The following ARHGEF38 variants were observed in gnomAD, a reference collection of about 807,000 sequenced individuals.
The protein encoded by ARHGEF38 is Rho guanine nucleotide exchange factor (GEF) 38.
Under a neutral mutation model 79.9 loss-of-function variants are expected in ARHGEF38, and 79 were observed. The observed-to-expected ratio is 0.99, with a 90% CI of 0.82 to 1.19. ARHGEF38 has a LOEUF of 1.19. ARHGEF38 is among the 50% of genes most tolerant of loss of function. The probability of loss-of-function intolerance (pLI) is 0.00; values close to 1 mark genes in which losing one functional copy is unlikely to be tolerated. For synonymous variants in ARHGEF38, 366 were observed against 328.3 expected, an observed-to-expected ratio of 1.11 and a Z score of -1.24; for missense variants, 962 against 907.2, an observed-to-expected ratio of 1.06 and a Z score of -0.78.
chr4:105,566,431 T>G (rs1207976746), intron 1 of ARHGEF38, among the ~76,000 whole-genome samples: 1 of 152,168 alleles, frequency 6.6e-6, no homozygotes, highest in African/African-American at 2.4e-5. Context: ...TTTTAATTTT[T>G]GTGGGTACAT....
chr4:105,598,226 C>G (rs1727667863), intron 2 of ARHGEF38, among the ~76,000 whole-genome samples: 1 of 152,178 alleles, frequency 6.6e-6, no homozygotes, highest in African/African-American at 2.4e-5. Flanking sequence ...CTTCCATCTC[C>G]TATTCGATCC....
chr4:105,553,781 T>C (rs942758778), intron 1 of ARHGEF38, among the ~76,000 whole-genome samples: 4 of 152,080 alleles, frequency 2.6e-5, no homozygotes, highest in African/African-American at 9.7e-5. Context: ...TTTTCTTCGG[T>C]ACTTGTTATG....
intron 1 of ARHGEF38, among the ~76,000 whole-genome samples, chr4:105,587,662 G>C (rs780251977): frequency 6.6e-6 from 1 of 152,040 alleles, no homozygotes; most frequent in Non-Finnish European, 1.5e-5. Flanking sequence ...GGGTTTCACC[G>C]TGTTAGCCAG....
At chr4:105,626,555 A>G (rs1232710149) in intron 3 of ARHGEF38, among the ~76,000 whole-genome samples, 1 of 151,866 alleles carries the variant, frequency 6.6e-6, no homozygotes, top group African/African-American at 2.4e-5. Context: ...CAGGAAGTCG[A>G]CTCCAGTGCA....
In ARHGEF38 at chr4:105,679,503, C is replaced by T. The variant is rs1731238626; in HGVS notation, c.*1566C>T. The T allele has an allele frequency of 1.3e-6, 2 of 1,492,284 alleles. 1 individual carries two copies. Among genetic ancestry groups the T allele is most frequent in the South Asian group, 2.3e-5 (2 of 88,482 alleles). 92.4% of individuals were successfully genotyped at this position (1,492,284 alleles called of 1,614,324 possible). A position where few individuals can be genotyped will look rare whatever the true frequency, so the allele number is the denominator to read the frequency against. ...CCCCTTATCAGAGTTGATTAAAGAT[C>T]ATGGTTCAAAGCTTGATACACCAGA... is the stretch of plus-strand genomic sequence containing the variant. On this transcript the variant is annotated 3_prime_UTR_variant, in exon 14 of 14. Transcript: ENST00000420470.
rs147339270 is a variant in ARHGEF38 at position 105,613,819 on chromosome 4, G to T, written c.508+312G>T. 3.9e-3 allele frequency among the ~76,000 whole-genome samples: 587 copies of T among 151,958 alleles called. 1 individual carries two copies. The highest frequency in any genetic ancestry group is 6.9e-3 in the Non-Finnish European group (468 of 67,956). On this transcript the variant is annotated intron_variant, in intron 3 of 13. Coordinates refer to ENST00000420470, the MANE Select transcript of ARHGEF38 (RefSeq NM_001242729.2). ...GGCTAACACTTACTTGATCCTTAAA[G>T]AATTAATTATTTAAATATTCTAATA...
chr4:105,629,986 A>C (rs1729113788), intron 3 of ARHGEF38, among the ~76,000 whole-genome samples: 1 of 152,170 alleles, frequency 6.6e-6, no homozygotes, highest in African/African-American at 2.4e-5. Flanking sequence ...AATATTGAAA[A>C]ATACTTACCC....
intron 3 of ARHGEF38, among the ~76,000 whole-genome samples, chr4:105,620,113 T>C (rs1033186984): frequency 5.9e-5 from 9 of 152,204 alleles, no homozygotes; most frequent in Non-Finnish European, 1.3e-4. Context: ...AAGTTGTCTG[T>C]ACTGTCATGC....
At chr4:105,558,772 A>C (rs1725372979) in intron 1 of ARHGEF38, among the ~76,000 whole-genome samples, 1 of 151,738 alleles carries the variant, frequency 6.6e-6, no homozygotes, top group African/African-American at 2.4e-5. Flanking sequence ...ATATGACTTT[A>C]GGTATAACTT....
intron 13 of ARHGEF38, 126 bp downstream of exon 13, chr4:105,667,829 A>G: frequency 4.5e-6 from 5 of 1,103,444 alleles, no homozygotes; most frequent in Non-Finnish European, 5.0e-6. Context: ...ACCTGGCTCT[A>G]TTAGCACAGT....
chr4:105,563,866 A>C (rs900238189), intron 1 of ARHGEF38, among the ~76,000 whole-genome samples: 6 of 152,216 alleles, frequency 3.9e-5, no homozygotes, highest in African/African-American at 1.4e-4. Flanking sequence ...AAAATGTTCT[A>C]TGTGCTTGGA....
intron 1 of ARHGEF38, among the ~76,000 whole-genome samples, chr4:105,576,847 CT>C (rs1245278703): frequency 2.0e-5 from 3 of 151,968 alleles, no homozygotes; most frequent in African/African-American, 7.2e-5. Context: ...TTATTGAGTG[CT>C]TTTTTCTGCA....
Position 105,667,315 on chromosome 4 carries a change from G to A in ARHGEF38, c.1876G>A (p.Val626Met). Residue 626 changes from valine (V) to methionine (M), a missense_variant, in exon 12 of 14, where the codon GTG becomes ATG. Transcript: ENST00000420470. Reference protein sequence around the residue: ...DPLGSTSRWLVDTGNVKGYVY... With the variant: ...DPLGSTSRWLMDTGNVKGYVY... ...ACTGGGGAGTACAAGCAGGTGGCTT[G>A]TGGACACAGGAAGTAAGTTTTTCCC... is the stretch of plus-strand genomic sequence containing the variant. The A allele has an allele frequency of 6.5e-7, 1 of 1,535,926 alleles. No homozygotes were observed. The highest frequency in any genetic ancestry group is 8.7e-7 in the Non-Finnish European group (1 of 1,146,812).
chr4:105,583,137 G>T (rs192151448), intron 1 of ARHGEF38, among the ~76,000 whole-genome samples: 17 of 151,706 alleles, frequency 1.1e-4, no homozygotes, highest in Non-Finnish European at 1.8e-4. Flanking sequence ...TTTCTCTTTC[G>T]GTTTTCTCCT....
At chr4:105,590,135 GAAAA>G (rs1167219591) in intron 2 of ARHGEF38, among the ~76,000 whole-genome samples, 2 of 141,392 alleles carry the variant, frequency 1.4e-5, no homozygotes, top group Non-Finnish European at 3.0e-5. Context: ...AGGAAAGAAA[GAAAA>G]AAAAGAAAGA....
chr4:105,628,293 T>G, intron 3 of ARHGEF38, among the ~76,000 whole-genome samples: 1 of 152,224 alleles, frequency 6.6e-6, no homozygotes, highest in Non-Finnish European at 1.5e-5. Flanking sequence ...TCATCTTGTG[T>G]TGGGCTGTGT....
intron 3 of ARHGEF38, among the ~76,000 whole-genome samples, chr4:105,628,590 C>A (rs1447094): frequency 0.33 from 49,543 of 152,022 alleles, 11,512 homozygotes; most frequent in African/African-American, 0.65. Context: ...ATATCAGAAA[C>A]AAAACAAGAA....
chr4:105,573,920 A>G (rs1362498609), intron 1 of ARHGEF38, among the ~76,000 whole-genome samples: 1 of 152,044 alleles, frequency 6.6e-6, no homozygotes, highest in Non-Finnish European at 1.5e-5. Context: ...TCATTGTACA[A>G]ATCTTTCTCC....
At chr4:105,559,704 G>A (rs1424911129) in intron 1 of ARHGEF38, among the ~76,000 whole-genome samples, 2 of 151,728 alleles carry the variant, frequency 1.3e-5, no homozygotes, top group East Asian at 3.9e-4. Flanking sequence ...TGGTATGCTG[G>A]CCTCCATCTG....
Sources: gnomAD v4.1 joint callset for allele counts (sites outside exome capture counted in the v4.1 genomes callset) on GRCh38, gnomAD v4.1.1 for gene constraint, MANE v1.5 for transcripts, NCBI Gene and HGNC (gene_info 2026-07-23, HGNC 2026-07-21) for gene names.